PPP3CA: variants seen among roughly 807,000 people sequenced by gnomAD.
The protein encoded by PPP3CA is CAM-PRP catalytic subunit.
Under a neutral mutation model 66.5 loss-of-function variants are expected in PPP3CA, and 14 were observed. The ratio of observed to expected loss-of-function variants is 0.21; its 90% CI spans 0.14 to 0.33. The LOEUF (loss-of-function observed/expected upper bound fraction) is 0.33. Among genes scored for constraint, PPP3CA ranks in the 10% least tolerant of loss-of-function variants. The pLI is 1.00. For synonymous variants in PPP3CA, 232 were observed against 226.2 expected (o/e 1.03, Z -0.23); for missense variants, 317 against 639.5 (o/e 0.50, Z 5.44).
chr4:101,287,734 A>G (rs1305763242), intron 1 of PPP3CA, among the ~76,000 whole-genome samples: 1 of 151,916 alleles, frequency 6.6e-6, no homozygotes, highest in Non-Finnish European at 1.5e-5. Context: ...TAAAAAGGAA[A>G]CAAAATAGTA....
intron 8 of PPP3CA, among the ~76,000 whole-genome samples, chr4:101,066,294 C>T (rs1428552021): frequency 3.3e-5 from 5 of 152,092 alleles, no homozygotes; most frequent in Admixed American, 6.6e-5. Flanking sequence ...AGCCAGGAGG[C>T]CAGACTACAA....
chr4:101,064,502 G>A (rs1728600748), intron 8 of PPP3CA, among the ~76,000 whole-genome samples: 1 of 151,902 alleles, frequency 6.6e-6, no homozygotes. Flanking sequence ...GATTTTATAT[G>A]ATATCATATG....
At chr4:101,145,144 T>C (rs764924467) in intron 2 of PPP3CA, among the ~76,000 whole-genome samples, 16 of 152,136 alleles carry the variant, frequency 1.1e-4, no homozygotes, top group Non-Finnish European at 2.2e-4. Context: ...ATATAATGTT[T>C]TCAGGAAAAA....
chr4:101,032,739 C>A (rs1251311888), intron 11 of PPP3CA, among the ~76,000 whole-genome samples: 1 of 151,434 alleles, frequency 6.6e-6, no homozygotes, highest in East Asian at 1.9e-4. Context: ...GTTTTTCAGC[C>A]AAGGCTCAGC....
intron 1 of PPP3CA, among the ~76,000 whole-genome samples, chr4:101,207,920 C>T (rs1725184682): frequency 6.6e-6 from 1 of 152,116 alleles, no homozygotes; most frequent in Non-Finnish European, 1.5e-5. Context: ...TGTTAATTCC[C>T]ATGATATATG....
At position 101,025,304 on chromosome 4, in the gene PPP3CA, G is replaced by GATTTT. The variant is rs1726578816; in HGVS notation, c.*560_*561insAAAAT. 1 of 136,510 alleles carries GATTTT rather than the reference G, an allele frequency of 7.3e-6. No individual in the cohort carries two copies. The highest frequency in any genetic ancestry group is 1.6e-5 in the Non-Finnish European group (1 of 63,858). The allele number at this position is 136,510 out of a possible 1,614,324, so 8.5% of individuals were successfully genotyped here. A position where few individuals can be genotyped will look rare whatever the true frequency, so the allele number is the denominator to read the frequency against. On this transcript the variant is annotated 3_prime_UTR_variant, in exon 14 of 14. Transcript: ENST00000394854. The stretch of plus-strand genomic sequence containing the variant: ...GCAACGTTCTTTTTTTTCTTTTTCT[G>GATTTT]TTTTTTTTTTTTTTTAAGACTGCCT...
At chr4:101,080,664 G>A in intron 7 of PPP3CA, 38 bp from the exon 8 acceptor site, 1 of 1,241,860 alleles carries the variant, frequency 8.1e-7, no homozygotes, top group East Asian at 2.4e-5. Context: ...AAGCTTGTAT[G>A]GAAAAAAGAT....
At chr4:101,276,411 T>C (rs1027141497) in intron 1 of PPP3CA, among the ~76,000 whole-genome samples, 1 of 152,196 alleles carries the variant, frequency 6.6e-6, no homozygotes, top group African/African-American at 2.4e-5. Flanking sequence ...ATAAAAACTA[T>C]ATTATTTTTT....
chr4:101,209,837 A>G (rs1403786551), intron 1 of PPP3CA, among the ~76,000 whole-genome samples: 1 of 152,204 alleles, frequency 6.6e-6, no homozygotes, highest in Non-Finnish European at 1.5e-5. Flanking sequence ...TTAGTGACTG[A>G]TGAACAGGTA....
In PPP3CA at chr4:101,025,518, T is replaced by C. The variant is rs1726590871; in HGVS notation, c.*347A>G. 5.9e-6 allele frequency: 1 copy of C among 170,234 alleles called. No homozygotes were observed. The highest frequency in any genetic ancestry group is 1.2e-5 in the Non-Finnish European group (1 of 80,018). 10.5% of individuals were successfully genotyped at this position (170,234 alleles called of 1,614,324 possible). On this transcript the variant is annotated 3_prime_UTR_variant, in exon 14 of 14. Coordinates refer to ENST00000394854, the MANE Select transcript of PPP3CA (RefSeq NM_000944.5). ...AGTAACAGAATAAAAGGCCTTTCAT[T>C]AACCTATCTAGAAGTCCCCAATGCA...
chr4:101,313,837 A>T (rs997419927), intron 1 of PPP3CA, among the ~76,000 whole-genome samples: 6 of 152,344 alleles, frequency 3.9e-5, no homozygotes, highest in African/African-American at 1.2e-4. Flanking sequence ...TTGGATTTTT[A>T]AAAACTCTAT....
At chr4:101,340,944 ACTATT>A (rs947442871) in intron 1 of PPP3CA, among the ~76,000 whole-genome samples, 54 of 152,332 alleles carry the variant, frequency 3.5e-4, no homozygotes, top group Non-Finnish European at 7.6e-4. Flanking sequence ...AGGAGAGTAT[ACTATT>A]CTATTTCTGT....
At chr4:101,182,851 T>C (rs927437573) in intron 2 of PPP3CA, among the ~76,000 whole-genome samples, 34 of 152,150 alleles carry the variant, frequency 2.2e-4, no homozygotes, top group African/African-American at 8.2e-4. Context: ...GATCTGATGG[T>C]TTTAAAAATG....
chr4:101,263,127 T>C (rs1727058639), intron 1 of PPP3CA, among the ~76,000 whole-genome samples: 2 of 152,218 alleles, frequency 1.3e-5, no homozygotes. Context: ...TCATTTTCTT[T>C]AGCTTTCAAT....
At chr4:101,303,990 C>T (rs1464025805) in intron 1 of PPP3CA, among the ~76,000 whole-genome samples, 6 of 152,102 alleles carry the variant, frequency 3.9e-5, no homozygotes, top group South Asian at 2.1e-4. Flanking sequence ...AATGTGCTGA[C>T]GCCCTGTACA....
intron 2 of PPP3CA, among the ~76,000 whole-genome samples, chr4:101,147,636 A>G (rs1402280045): frequency 6.6e-6 from 1 of 152,090 alleles, no homozygotes; most frequent in African/African-American, 2.4e-5. Flanking sequence ...TTAAAACTGT[A>G]ATGCATTCAA....
chr4:101,106,481 AAAAGAAAAGAAAAGAAAAG>A (rs1292759206), intron 3 of PPP3CA, among the ~76,000 whole-genome samples: 1,371 of 64,204 alleles, frequency 0.021, 156 homozygotes, highest in African/African-American at 0.037. Flanking sequence ...AAAAGAAAAG[AAAAGAAAAGAAAAGAAAAG>A]AAAGAAAGAA....
At chr4:101,242,987 GC>G (rs1726361901) in intron 1 of PPP3CA, among the ~76,000 whole-genome samples, 1 of 152,164 alleles carries the variant, frequency 6.6e-6, no homozygotes, top group Non-Finnish European at 1.5e-5. Flanking sequence ...TATGGCAGTA[GC>G]TGGTGCAGTG....
At chr4:101,261,255 G>A (rs1727000562) in intron 1 of PPP3CA, among the ~76,000 whole-genome samples, 2 of 152,046 alleles carry the variant, frequency 1.3e-5, no homozygotes, top group Admixed American at 1.3e-4. Flanking sequence ...CAGCATATCA[G>A]AGGTAAACTC....
Sources: gnomAD v4.1 joint callset for allele counts (sites outside exome capture counted in the v4.1 genomes callset) on GRCh38, gnomAD v4.1.1 for gene constraint, MANE v1.5 for transcripts, NCBI Gene and HGNC (gene_info 2026-07-23, HGNC 2026-07-21) for gene names.